NXPH1: variants seen among roughly 807,000 people sequenced by gnomAD.
NXPH1 encodes neurexophilin 1, also known as neurexophilin-1.
NXPH1 carries 5 observed loss-of-function variants against 23.7 expected under a neutral mutation model. The ratio of observed to expected loss-of-function variants is 0.21; its 90% CI spans 0.11 to 0.44. NXPH1 has a LOEUF of 0.44. Among genes scored for constraint, NXPH1 ranks in the 20% least tolerant of loss-of-function variants. NXPH1 has a pLI of 0.99. For missense variants in NXPH1, 324 were observed against 321.6 expected (o/e 1.01, Z -0.06); for synonymous variants, 144 against 122.2 (o/e 1.18, Z -1.18).
chr7:8,440,170 G>C (rs1159185490), intron 2 of NXPH1, among the ~76,000 whole-genome samples: 1 of 152,202 alleles, frequency 6.6e-6, no homozygotes, highest in Non-Finnish European at 1.5e-5. Context: ...TCAGTTTTAA[G>C]ATGTATTCCT....
At chr7:8,655,764 C>T (rs1820572310) in intron 2 of NXPH1, among the ~76,000 whole-genome samples, 1 of 152,094 alleles carries the variant, frequency 6.6e-6, no homozygotes, top group Non-Finnish European at 1.5e-5. Flanking sequence ...TCTGTTTTTT[C>T]AGACTCTTGC....
At chr7:8,674,662 C>T (rs1340054248) in intron 2 of NXPH1, among the ~76,000 whole-genome samples, 2 of 152,128 alleles carry the variant, frequency 1.3e-5, no homozygotes, top group Non-Finnish European at 2.9e-5. Context: ...GATCAATAGA[C>T]AGACTGGAAA....
intron 2 of NXPH1, among the ~76,000 whole-genome samples, chr7:8,546,798 A>T (rs1818203406): frequency 6.6e-6 from 1 of 151,396 alleles, no homozygotes; most frequent in African/African-American, 2.4e-5. Context: ...TGCTTAACGT[A>T]TTGATGCTCA....
intron 2 of NXPH1, among the ~76,000 whole-genome samples, chr7:8,505,355 T>G (rs1449706246): frequency 6.6e-6 from 1 of 152,020 alleles, no homozygotes; most frequent in Non-Finnish European, 1.5e-5. Flanking sequence ...TAACCTCCTC[T>G]CCAGTTCTGG....
intron 2 of NXPH1, among the ~76,000 whole-genome samples, chr7:8,720,825 A>G (rs1310050128): frequency 1.3e-5 from 2 of 152,224 alleles, no homozygotes; most frequent in East Asian, 1.9e-4. Context: ...TTGTCAATCT[A>G]AAGTTCTAGA....
At chr7:8,686,406 G>T (rs1821146005) in intron 2 of NXPH1, among the ~76,000 whole-genome samples, 1 of 151,984 alleles carries the variant, frequency 6.6e-6, no homozygotes, top group Non-Finnish European at 1.5e-5. Flanking sequence ...GCCTGTTTAG[G>T]CATAAACAAA....
At chr7:8,652,500 T>C (rs1820505305) in intron 2 of NXPH1, among the ~76,000 whole-genome samples, 1 of 152,174 alleles carries the variant, frequency 6.6e-6, no homozygotes, top group Admixed American at 6.5e-5. Flanking sequence ...TATTACATGA[T>C]ATAACAAATT....
intron 2 of NXPH1, among the ~76,000 whole-genome samples, chr7:8,527,837 C>T (rs6975822): frequency 0.015 from 2,271 of 152,288 alleles, 51 homozygotes; most frequent in African/African-American, 0.05. Context: ...ACTTGATACA[C>T]TTTTTAGTGT....
intron 2 of NXPH1, among the ~76,000 whole-genome samples, chr7:8,504,704 G>A (rs1231630598): frequency 1.3e-5 from 2 of 151,954 alleles, no homozygotes; most frequent in African/African-American, 2.4e-5. Context: ...TAGGATTTGG[G>A]GTATTTGGGG....
intron 2 of NXPH1, among the ~76,000 whole-genome samples, chr7:8,479,284 GGTA>G (rs1817032734): frequency 6.6e-6 from 1 of 152,068 alleles, no homozygotes; most frequent in African/African-American, 2.4e-5. Flanking sequence ...CATTGGTGGT[GGTA>G]GTATTGTATT....
intron 2 of NXPH1, among the ~76,000 whole-genome samples, chr7:8,447,846 C>A (rs1201020567): frequency 6.6e-6 from 1 of 152,216 alleles, no homozygotes; most frequent in Admixed American, 6.5e-5. Flanking sequence ...GTGTGAGAGG[C>A]TTTAAAGGCA....
chr7:8,525,101 C>G (rs1417259598), intron 2 of NXPH1, among the ~76,000 whole-genome samples: 1 of 152,014 alleles, frequency 6.6e-6, no homozygotes, highest in African/African-American at 2.4e-5. Flanking sequence ...TGGCTTTGCC[C>G]AAAATTCTGA....
intron 2 of NXPH1, among the ~76,000 whole-genome samples, chr7:8,598,434 G>T (rs926577825): frequency 2.0e-5 from 3 of 152,074 alleles, no homozygotes; most frequent in East Asian, 3.9e-4. Flanking sequence ...TTCCTTGGTG[G>T]TGGAGTTGTA....
At chr7:8,498,655 T>C (rs1255767703) in intron 2 of NXPH1, among the ~76,000 whole-genome samples, 1 of 152,050 alleles carries the variant, frequency 6.6e-6, no homozygotes, top group Non-Finnish European at 1.5e-5. Flanking sequence ...AATTATAGCA[T>C]GATGGGTTTA....
chr7:8,574,493 C>G (rs1272810895), intron 2 of NXPH1, among the ~76,000 whole-genome samples: 1 of 152,086 alleles, frequency 6.6e-6, no homozygotes, highest in Non-Finnish European at 1.5e-5. Context: ...TAGGTTGTCT[C>G]TTTCTGAAGG....
At chr7:8,553,264 A>T (rs1465633706) in intron 2 of NXPH1, among the ~76,000 whole-genome samples, 3 of 151,530 alleles carry the variant, frequency 2.0e-5, no homozygotes, top group African/African-American at 7.3e-5. Context: ...GGGGTTTAAA[A>T]ATTTATATTC....
At chr7:8,440,764 G>A (rs1816283133) in intron 2 of NXPH1, among the ~76,000 whole-genome samples, 2 of 152,018 alleles carry the variant, frequency 1.3e-5, no homozygotes, top group South Asian at 4.2e-4. Flanking sequence ...TAGGGGGTGG[G>A]GAGTTGACTA....
intron 2 of NXPH1, among the ~76,000 whole-genome samples, chr7:8,510,967 T>A (rs1046216028): frequency 3.3e-5 from 5 of 152,094 alleles, no homozygotes; most frequent in African/African-American, 1.2e-4. Context: ...TGTAGTATGC[T>A]GCTACTAGTC....
intron 2 of NXPH1, among the ~76,000 whole-genome samples, chr7:8,708,454 G>C (rs1358883776): frequency 2.0e-5 from 3 of 151,926 alleles, no homozygotes; most frequent in Non-Finnish European, 4.4e-5. Context: ...TCATCCTCCT[G>C]GGTTCAAGTG....
Sources: gnomAD v4.1 joint callset for allele counts (sites outside exome capture counted in the v4.1 genomes callset) on GRCh38, gnomAD v4.1.1 for gene constraint, MANE v1.5 for transcripts, NCBI Gene and HGNC (gene_info 2026-07-23, HGNC 2026-07-21) for gene names.